SIX2: variants seen among roughly 807,000 people sequenced by gnomAD.
SIX2 encodes the protein homeobox protein SIX2.
A neutral mutation model predicts 22.8 loss-of-function variants in SIX2; 20 were observed. The observed-to-expected ratio is 0.88, with a 90% CI of 0.62 to 1.28. SIX2 has a LOEUF of 1.28. Among genes scored for constraint, SIX2 ranks in the 50% most tolerant of loss-of-function variants. The pLI, the probability that SIX2 is intolerant of heterozygous loss-of-function variation, is 0.00. For synonymous variants in SIX2, 195 were observed against 186.4 expected (o/e 1.05, Z -0.37); for missense variants, 360 against 400.0 (o/e 0.90, Z 0.85).
intron 1 of SIX2, among the ~76,000 whole-genome samples, chr2:45,007,074 C>T (rs1442306952): frequency 6.6e-6 from 1 of 152,214 alleles, no homozygotes; most frequent in East Asian, 1.9e-4. Flanking sequence ...AACTGGGCAG[C>T]CCTGTGAGGG....
In SIX2 at chr2:45,008,672, G is replaced by T; in HGVS notation, c.439C>A (p.Pro147Thr). The change falls in exon 1 of 2, where the codon CCC becomes ACC. Residue 147 changes from proline to threonine, a missense_variant. Around this residue, in one of 3 missense-constraint regions of SIX2, gnomAD observed 235 missense variants for 231.9 expected, o/e 1.01. Transcript: ENST00000303077. ...SVLREWYAHN[P>T]YPSPREKREL... ...CGCTTCTCGCGGGGTGAAGGGTAGG[G>T]GTTGTGCGCGTACCACTCGCGCAGC... 6.2e-7 allele frequency: 1 copy of T among 1,614,094 alleles called. No homozygotes were observed. Among genetic ancestry groups the T allele is most frequent in the Non-Finnish European group, 8.5e-7 (1 of 1,179,972 alleles).
In SIX2 at chr2:45,009,142, C is replaced by G. The variant is rs1248189859; in HGVS notation, c.-32G>C. ...GGCTGCGTCCCCGCCCGCCCGCGCG[C>G]GCCCTCACCGGGCCGCGCGGTCCCG... On this transcript the variant is annotated 5_prime_UTR_variant, in exon 1 of 2. Transcript: ENST00000303077. 6.6e-6 allele frequency: 10 copies of G among 1,507,180 alleles called. No homozygotes were observed. Among genetic ancestry groups the G allele is most frequent in the Non-Finnish European group, 7.9e-6 (9 of 1,136,212 alleles). The allele number at this position is 1,507,180 out of a possible 1,614,324, so 93.4% of individuals were successfully genotyped here.
rs1667750345 is a variant in SIX2 at position 45,006,150 on chromosome 2, C to T, written c.*20G>A. On this transcript the variant is annotated 3_prime_UTR_variant, in exon 2 of 2. Transcript: ENST00000303077. This position sits in a 1 kb window ranked among gnomAD's most constrained non-coding sequence, Gnocchi z 4.2. ...CCAGTGTCAAGTCACAAAAGGCAAG[C>T]TCATCAAGGCAAATGGGTTCTAGGA... is the stretch of plus-strand genomic sequence containing the variant. 1 of 1,613,886 alleles carries T rather than the reference C, an allele frequency of 6.2e-7. No individual in the cohort carries two copies. The highest frequency in any genetic ancestry group is 8.5e-7 in the Non-Finnish European group (1 of 1,179,724).
In SIX2 at chr2:45,006,713, G is replaced by A. The variant is rs558499039; in HGVS notation, c.561-228C>T. 1.7e-4 allele frequency among the ~76,000 whole-genome samples: 26 copies of A among 152,058 alleles called. No individual in the cohort carries two copies. Among genetic ancestry groups the A allele is most frequent in the African/African-American group, 3.9e-4 (16 of 41,448 alleles). Reference sequence around the variant, plus strand: ...TTTCTCTTGCCCCTCTGCCCTTATCGTCCCCACCTCTCATGCTGTCAATCT... The same window carrying A: ...TTTCTCTTGCCCCTCTGCCCTTATCATCCCCACCTCTCATGCTGTCAATCT... On this transcript the variant is annotated intron_variant, in intron 1 of 1. Transcript: ENST00000303077. This position sits in a 1 kb window ranked among gnomAD's most constrained non-coding sequence, Gnocchi z 4.2.
Position 45,006,004 on chromosome 2 carries a change from A to G in SIX2, c.*166T>C. The G allele has an allele frequency of 1.3e-6, 1 of 746,840 alleles. No homozygotes were observed. The highest frequency in any genetic ancestry group is 1.5e-5 in the South Asian group (1 of 67,850). The allele number at this position is 746,840 out of a possible 1,614,324, so 46.3% of individuals were successfully genotyped here. A position where few individuals can be genotyped will look rare whatever the true frequency, so the allele number is the denominator to read the frequency against. On this transcript the variant is annotated 3_prime_UTR_variant, in exon 2 of 2. Coordinates refer to ENST00000303077, the MANE Select transcript of SIX2 (RefSeq NM_016932.5). This position sits in a 1 kb window ranked among gnomAD's most constrained non-coding sequence, Gnocchi z 4.2. ...ACTTGTTGAAAATAAATCCCAAACA[A>G]GAACCAACATAGACAGCTATCTGCC...
At position 45,006,441 on chromosome 2, in the gene SIX2, T is replaced by G. The variant is rs1301911629; in HGVS notation, c.605A>C (p.Asn202Thr). The change falls in exon 2 of 2, where the codon AAT becomes ACT. Residue 202 changes from asparagine to threonine, a missense_variant. Coordinates refer to ENST00000303077, the MANE Select transcript of SIX2 (RefSeq NM_016932.5). This position sits in a 1 kb window ranked among gnomAD's most constrained non-coding sequence, Gnocchi z 4.2. ...GCCTAACACCGACTTGCCGCTGCCA[T>G]TCAGCGGGTTGTGGCTGTTAGAATT... ...NSNSNSHNPL[N>T]GSGKSVLGSS... 3.1e-6 allele frequency: 5 copies of G among 1,614,002 alleles called. No homozygotes were observed. The highest frequency in any genetic ancestry group is 4.2e-6 in the Non-Finnish European group (5 of 1,180,030).
chr2:45,006,114 A>G lies in SIX2; in HGVS notation c.*56T>C, dbSNP rs1174929041. The G allele has an allele frequency of 1.9e-6, 3 of 1,589,884 alleles. No individual in the cohort carries two copies. Among genetic ancestry groups the G allele is most frequent in the East Asian group, 2.2e-5 (1 of 44,734 alleles). ...GGGCGGGGCGCCCCTGGACACCGCC[A>G]CTCCACGTCCCCAGTGTCAAGTCAC... On this transcript the variant is annotated 3_prime_UTR_variant, in exon 2 of 2. Transcript: ENST00000303077. The surrounding 1 kb of genome is among the most constrained non-coding windows in gnomAD (Gnocchi z 4.2).
rs1667749911 is a variant in SIX2 at position 45,006,124 on chromosome 2, C to A, written c.*46G>T. ...CCCCTGGACACCGCCACTCCACGTC[C>A]CCAGTGTCAAGTCACAAAAGGCAAG... is the stretch of plus-strand genomic sequence containing the variant. On this transcript the variant is annotated 3_prime_UTR_variant, in exon 2 of 2. Transcript: ENST00000303077. The surrounding 1 kb of genome is among the most constrained non-coding windows in gnomAD (Gnocchi z 4.2). The A allele has an allele frequency of 6.2e-7, 1 of 1,601,104 alleles. No homozygotes were observed. Among genetic ancestry groups the A allele is most frequent in the Admixed American group, 1.7e-5 (1 of 60,002 alleles).
chr2:45,008,883 C>A lies in SIX2; in HGVS notation c.228G>T (p.Ser76=). Reference sequence around the variant, plus strand: ...GCTGCAGCTTGGCGTGGTTGTGCGGCGAGAACTGGTGGCTCTCCAGGATCT... The same window carrying A: ...GCTGCAGCTTGGCGTGGTTGTGCGGAGAGAACTGGTGGCTCTCCAGGATCT... ...LYKILESHQF[S]PHNHAKLQQL... The change falls in exon 1 of 2, where the codon TCG becomes TCT. Residue 76 remains serine, a synonymous_variant. Coordinates refer to ENST00000303077, the MANE Select transcript of SIX2 (RefSeq NM_016932.5). 6.2e-7 allele frequency: 1 copy of A among 1,614,024 alleles called. No homozygotes were observed. The highest frequency in any genetic ancestry group is 8.5e-7 in the Non-Finnish European group (1 of 1,179,980).
intron 1 of SIX2, among the ~76,000 whole-genome samples, chr2:45,007,255 C>G (rs544160292): frequency 6.6e-6 from 1 of 152,308 alleles, no homozygotes; most frequent in Non-Finnish European, 1.5e-5. Context: ...ATCTGCAGCT[C>G]TCATCTGGGG....
At chr2:45,008,457 A>C (rs1367645885) in intron 1 of SIX2, 94 bp downstream of exon 1, 2 of 1,376,330 alleles carry the variant, frequency 1.5e-6, no homozygotes. Context: ...CTGGGGGCCC[A>C]GTTTAGGCCT....
chr2:45,008,627 C>G lies in SIX2; in HGVS notation c.484G>C (p.Gly162Arg). Reference protein sequence around the residue: ...REKRELAEATGLTTTQVSNWF... With the variant: ...REKRELAEATRLTTTQVSNWF... ...TTGCTGACCTGTGTGGTGGTGAGGC[C>G]CGTGGCCTCCGCCAGCTCACGCTTC... Residue 162 changes from glycine to arginine, a missense_variant, in exon 1 of 2, where the codon GGC becomes CGC. Gly to Arg is a moderately radical substitution (Grantham distance 125, BLOSUM62 -2). Transcript: ENST00000303077. The G allele has an allele frequency of 1.9e-6, 3 of 1,614,040 alleles. No individual in the cohort carries two copies. The highest frequency in any genetic ancestry group is 2.5e-6 in the Non-Finnish European group (3 of 1,179,960).
rs866575066 is a variant in SIX2, at chr2:45,009,375, T to C, written c.-265A>G. 1.8e-4 allele frequency: 29 copies of C among 163,010 alleles called. No homozygotes were observed. In the South Asian group the frequency reaches 2.3e-3, roughly 13 times the overall value. The allele number at this position is 163,010 out of a possible 1,614,324, so 10.1% of individuals were successfully genotyped here. On this transcript the variant is annotated 5_prime_UTR_variant, in exon 1 of 2. An upstream start codon of the reference 5' UTR is lost. Transcript: ENST00000303077. The stretch of plus-strand genomic sequence containing the variant: ...GGGCCGCCCGGGGCGCCGCTCCGCA[T>C]GCTCCGCGCCCGCCCGCCGTTCCCT...
rs191828218 is a variant in SIX2 at position 45,006,287 on chromosome 2, G to C, written c.759C>G (p.Ser253Arg). 1.9e-6 allele frequency: 3 copies of C among 1,614,062 alleles called. No individual in the cohort carries two copies. ...LHSLGHPPGP[S>R]AVPVPVPGGG... ...CGCCTGGCACCGGCACTGGCACTGC[G>C]CTGGGGCCCGGAGGGTGGCCCAGGC... is the stretch of plus-strand genomic sequence containing the variant. Residue 253 changes from serine (S) to arginine (R), a missense_variant, in exon 2 of 2, where the codon AGC becomes AGG. Physicochemically the swap from Ser to Arg is moderately radical, Grantham distance 110. Transcript: ENST00000303077. The surrounding 1 kb of genome is among the most constrained non-coding windows in gnomAD (Gnocchi z 4.2).
rs776030459 is a variant in SIX2, at chr2:45,006,737, CTCA to C, written c.561-255_561-253del. 1.3e-4 allele frequency among the ~76,000 whole-genome samples: 20 copies of C among 152,300 alleles called. No homozygotes were observed. The East Asian group carries it at 2.5e-3, about 19-fold the overall frequency. On this transcript the variant is annotated intron_variant, in intron 1 of 1. Transcript: ENST00000303077. The surrounding 1 kb of genome is among the most constrained non-coding windows in gnomAD (Gnocchi z 4.2). ...CGTCCCCACCTCTCATGCTGTCAAT[CTCA>C]TCAATATCTTTTCTATATTTCCTCT... is the stretch of plus-strand genomic sequence containing the variant.
rs1436656376 is a variant in SIX2, at chr2:45,006,715, C to T, written c.561-230G>A. 1.3e-5 allele frequency among the ~76,000 whole-genome samples: 2 copies of T among 152,208 alleles called. No individual in the cohort carries two copies. Among genetic ancestry groups the T allele is most frequent in the Non-Finnish European group, 2.9e-5 (2 of 68,034 alleles). On this transcript the variant is annotated intron_variant, in intron 1 of 1. Transcript: ENST00000303077. This position sits in a 1 kb window ranked among gnomAD's most constrained non-coding sequence, Gnocchi z 4.2. ...TCTCTTGCCCCTCTGCCCTTATCGT[C>T]CCCACCTCTCATGCTGTCAATCTCA...
At chr2:45,008,277 C>G (rs1667802938) in intron 1 of SIX2, among the ~76,000 whole-genome samples, 1 of 152,282 alleles carries the variant, frequency 6.6e-6, no homozygotes, top group East Asian at 1.9e-4. Context: ...TGCGCTGCCC[C>G]GAAGCTCTCT....
Position 45,006,126 on chromosome 2 carries a change from C to A in SIX2, c.*44G>T. 1.2e-6 allele frequency: 2 copies of A among 1,604,144 alleles called. No individual in the cohort carries two copies. Among genetic ancestry groups the A allele is most frequent in the Non-Finnish European group, 1.7e-6 (2 of 1,170,786 alleles). ...CCTGGACACCGCCACTCCACGTCCCCAGTGTCAAGTCACAAAAGGCAAGCT... is the reference window on the plus strand; with the variant it reads ...CCTGGACACCGCCACTCCACGTCCCAAGTGTCAAGTCACAAAAGGCAAGCT... On this transcript the variant is annotated 3_prime_UTR_variant, in exon 2 of 2. Coordinates refer to ENST00000303077, the MANE Select transcript of SIX2 (RefSeq NM_016932.5). This position sits in a 1 kb window ranked among gnomAD's most constrained non-coding sequence, Gnocchi z 4.2.
rs1327844717 is a variant in SIX2, at chr2:45,006,070, G to A, written c.*100C>T. On this transcript the variant is annotated 3_prime_UTR_variant, in exon 2 of 2. Coordinates refer to ENST00000303077, the MANE Select transcript of SIX2 (RefSeq NM_016932.5). The surrounding 1 kb of genome is among the most constrained non-coding windows in gnomAD (Gnocchi z 4.2). ...ACCCGCTCAGCCTGCGGGTCTTTCA[G>A]TACCTGGTGGGGCCGCAGGGGCGGG... 4 of 1,303,698 alleles carry A rather than the reference G, an allele frequency of 3.1e-6. No homozygotes were observed. Among genetic ancestry groups the A allele is most frequent in the Non-Finnish European group, 4.5e-6 (4 of 897,010 alleles). 80.8% of individuals were successfully genotyped at this position (1,303,698 alleles called of 1,614,324 possible).
Sources: allele counts gnomAD v4.1 joint callset (sites outside exome capture counted in the v4.1 genomes callset), GRCh38; gene constraint gnomAD v4.1.1; regional missense constraint gnomAD v4.1.1; non-coding constraint Gnocchi (gnomAD v3.1); transcripts MANE v1.5; gene names NCBI Gene and HGNC (gene_info 2026-07-23, HGNC 2026-07-21).